Variants in SLC10A7 observed in about 807,000 individuals in gnomAD.
The protein encoded by SLC10A7 is sodium/bile acid cotransporter 7.
A neutral mutation model predicts 43.2 loss-of-function variants in SLC10A7; 29 were observed. The ratio of observed to expected loss-of-function variants is 0.67; its 90% confidence interval spans 0.50 to 0.92. The LOEUF (loss-of-function observed/expected upper bound fraction) is 0.92. SLC10A7 is among the 40% of genes least tolerant of loss of function. The pLI is 0.00. For synonymous variants in SLC10A7, 152 were observed against 144.8 expected, an observed-to-expected ratio of 1.05 and a Z score of -0.35; for missense variants, 295 against 403.2, an observed-to-expected ratio of 0.73 and a Z score of 2.30.
At chr4:146,414,146 C>T (rs1728396830) in intron 5 of SLC10A7, among the ~76,000 whole-genome samples, 1 of 152,066 alleles carries the variant, frequency 6.6e-6, no homozygotes, top group African/African-American at 2.4e-5. Flanking sequence ...TCAGGTATAG[C>T]CTTGGGGAAG....
intron 5 of SLC10A7, among the ~76,000 whole-genome samples, chr4:146,366,114 GA>G (rs1255929919): frequency 6.6e-6 from 1 of 152,164 alleles, no homozygotes; most frequent in Non-Finnish European, 1.5e-5. Flanking sequence ...TCACCCCATG[GA>G]AAAATTAGCT....
chr4:146,355,600 T>G (rs375652313), intron 5 of SLC10A7, among the ~76,000 whole-genome samples: 1 of 151,898 alleles, frequency 6.6e-6, no homozygotes. Flanking sequence ...GTATGTTTAT[T>G]GTGGCATTAT....
chr4:146,402,685 G>T (rs1164617254), intron 5 of SLC10A7, among the ~76,000 whole-genome samples: 1 of 152,140 alleles, frequency 6.6e-6, no homozygotes, highest in East Asian at 1.9e-4. Context: ...CTTGAATGAT[G>T]GTCTACTTGG....
chr4:146,467,801 G>A (rs1733181012), intron 4 of SLC10A7, among the ~76,000 whole-genome samples: 1 of 152,066 alleles, frequency 6.6e-6, no homozygotes, highest in South Asian at 2.1e-4. Flanking sequence ...GACCTCAGGT[G>A]ATTCACCTGC....
chr4:146,359,568 A>T (rs746586150), intron 5 of SLC10A7, among the ~76,000 whole-genome samples: 1 of 152,158 alleles, frequency 6.6e-6, no homozygotes, highest in African/African-American at 2.4e-5. Context: ...GGAAGTGTAA[A>T]GGGGTGTTAA....
chr4:146,355,810 A>T (rs1247381426), intron 5 of SLC10A7, among the ~76,000 whole-genome samples: 2 of 137,504 alleles, frequency 1.5e-5, no homozygotes, highest in Admixed American at 1.5e-4. Flanking sequence ...AACACCGCAT[A>T]TTCTCACTCA....
At chr4:146,379,968 T>TGTGTGAGTGTGTGTGTGC (rs1467246591) in intron 5 of SLC10A7, among the ~76,000 whole-genome samples, 8 of 145,680 alleles carry the variant, frequency 5.5e-5, no homozygotes, top group African/African-American at 2.3e-4. Flanking sequence ...TCTGTGTGTG[T>TGTGTGAGTGTGTGTGTGC]GTGTGTGTGT....
intron 5 of SLC10A7, among the ~76,000 whole-genome samples, chr4:146,427,453 C>T (rs367767470): frequency 1.3e-5 from 2 of 152,004 alleles, no homozygotes; most frequent in Admixed American, 6.6e-5. Flanking sequence ...GGAAATTTAA[C>T]CTTTTGACTT....
At chr4:146,320,855 G>A (rs969860506) in intron 6 of SLC10A7, among the ~76,000 whole-genome samples, 2 of 151,976 alleles carry the variant, frequency 1.3e-5, no homozygotes, top group African/African-American at 4.8e-5. Flanking sequence ...ATTTTATGGA[G>A]AACGCATGGG....
intron 5 of SLC10A7, chr4:146,408,745 T>A (rs1727919271): frequency 6.6e-6 from 1 of 152,056 alleles, no homozygotes; most frequent in African/African-American, 2.4e-5. Flanking sequence ...CTCTGAAGCA[T>A]CCTTTAATTC....
Position 146,361,321 on chromosome 4 carries a change from T to C in SLC10A7, c.436-35325A>G, listed in dbSNP as rs192077953. ...ATTGTTCAATGAGAAATATAACAGATAATCAAAATGCAAAATAAACCATCA... is the reference window on the plus strand; with the variant it reads ...ATTGTTCAATGAGAAATATAACAGACAATCAAAATGCAAAATAAACCATCA... On this transcript the variant is annotated intron_variant, in intron 5 of 11. Transcript: ENST00000335472. Among the ~76,000 whole-genome samples the C allele has an allele frequency of 3.0e-3, 453 of 152,318 alleles. 2 individuals carry two copies. The highest frequency in any genetic ancestry group is 5.1e-3 in the Non-Finnish European group (349 of 68,030).
chr4:146,270,273 T>C (rs1728813742), intron 10 of SLC10A7, among the ~76,000 whole-genome samples: 1 of 152,206 alleles, frequency 6.6e-6, no homozygotes, highest in African/African-American at 2.4e-5. Context: ...TGGAAGTCAC[T>C]TCTGAAAATA....
At chr4:146,503,791 T>G in intron 4 of SLC10A7, 58 bp downstream of exon 4, 1 of 1,502,346 alleles carries the variant, frequency 6.7e-7, no homozygotes, top group Non-Finnish European at 9.2e-7. Flanking sequence ...TGTGATATAT[T>G]TTTGAAATAA....
intron 4 of SLC10A7, among the ~76,000 whole-genome samples, chr4:146,483,035 G>A (rs1394380831): frequency 6.6e-6 from 1 of 151,998 alleles, no homozygotes. Flanking sequence ...TCATAGACAA[G>A]CAAAAGCTGA....
At chr4:146,377,616 A>C (rs1040427597) in intron 5 of SLC10A7, among the ~76,000 whole-genome samples, 1 of 152,334 alleles carries the variant, frequency 6.6e-6, no homozygotes, top group East Asian at 1.9e-4. Context: ...GGGACCCAGA[A>C]CCAAAGACCA....
At chr4:146,332,329 G>A (rs933757977) in intron 5 of SLC10A7, among the ~76,000 whole-genome samples, 3 of 152,162 alleles carry the variant, frequency 2.0e-5, no homozygotes, top group East Asian at 1.9e-4. Context: ...CTGAGATCAC[G>A]TGCTATGATT....
chr4:146,412,042 G>A (rs1370297347), intron 5 of SLC10A7, among the ~76,000 whole-genome samples: 1 of 152,120 alleles, frequency 6.6e-6, no homozygotes, highest in Non-Finnish European at 1.5e-5. Flanking sequence ...CTTCGAATTT[G>A]TATAGTCTTT....
chr4:146,326,410 C>T lies in SLC10A7; in HGVS notation c.436-414G>A, dbSNP rs929761409. ...GTTGGGGTCCTCTCCTGAGCAAAGACCACGTCAGTTGTGATGAATGAGATG... is the reference window on the plus strand; with the variant it reads ...GTTGGGGTCCTCTCCTGAGCAAAGATCACGTCAGTTGTGATGAATGAGATG... On this transcript the variant is annotated intron_variant, in intron 5 of 11. Transcript: ENST00000335472. 1.3e-5 allele frequency among the ~76,000 whole-genome samples: 2 copies of T among 152,184 alleles called. 1 individual carries two copies. The highest frequency in any genetic ancestry group is 4.8e-5 in the African/African-American group (2 of 41,442).
intron 7 of SLC10A7, among the ~76,000 whole-genome samples, chr4:146,304,820 T>C (rs979177634): frequency 2.0e-5 from 3 of 152,148 alleles, no homozygotes; most frequent in African/African-American, 7.2e-5. Flanking sequence ...ACTTTCTGTC[T>C]CGTTGATCTG....
Sources: gnomAD v4.1 joint callset for allele counts (sites outside exome capture counted in the v4.1 genomes callset) on GRCh38, gnomAD v4.1.1 for gene constraint, MANE v1.5 for transcripts, NCBI Gene and HGNC (gene_info 2026-07-23, HGNC 2026-07-21) for gene names.